The following PTER variants were observed in gnomAD, a reference collection of about 807,000 sequenced individuals.
PTER encodes N-acetyltaurine hydrolase.
A neutral mutation model predicts 29.6 loss-of-function variants in PTER; 38 were observed. That is an observed-to-expected ratio of 1.28 (90% CI 0.99 to 1.68). PTER has a LOEUF of 1.68. PTER is among the 40% of genes most tolerant of loss of function. The probability of loss-of-function intolerance (pLI) is 0.00; values close to 1 mark genes in which losing one functional copy is unlikely to be tolerated. For synonymous variants in PTER, 172 were observed against 154.5 expected (o/e 1.11, Z -0.84); for missense variants, 482 against 427.8 (o/e 1.13, Z -1.12).
chr10:16,507,318 G>A (rs1220306660), intron 4 of PTER, among the ~76,000 whole-genome samples: 1 of 151,804 alleles, frequency 6.6e-6, no homozygotes, highest in Non-Finnish European at 1.5e-5. Flanking sequence ...GTAGAAAAAT[G>A]TAACATGATC....
chr10:16,472,079 T>C (rs1448292142), intron 1 of PTER, among the ~76,000 whole-genome samples: 3 of 152,206 alleles, frequency 2.0e-5, no homozygotes, highest in Admixed American at 6.5e-5. Flanking sequence ...AGTGATGCTT[T>C]CTATTGGATT....
At chr10:16,466,451 A>G (rs890783514) in intron 1 of PTER, among the ~76,000 whole-genome samples, 1 of 152,122 alleles carries the variant, frequency 6.6e-6, no homozygotes, top group Non-Finnish European at 1.5e-5. Context: ...CGCCTCCCCA[A>G]TTCAAGTGAT....
chr10:16,478,854 A>C (rs1367871457), intron 1 of PTER, among the ~76,000 whole-genome samples: 1 of 152,136 alleles, frequency 6.6e-6, no homozygotes, highest in Non-Finnish European at 1.5e-5. Context: ...CTGGGTTTTC[A>C]AATGGCTTCA....
chr10:16,454,699 A>G (rs1004147141), intron 1 of PTER, among the ~76,000 whole-genome samples: 1 of 152,132 alleles, frequency 6.6e-6, no homozygotes, highest in Non-Finnish European at 1.5e-5. Context: ...CATATAATAT[A>G]ATTTCCATTT....
chr10:16,467,152 T>A (rs1263061362), intron 1 of PTER, among the ~76,000 whole-genome samples: 1 of 152,166 alleles, frequency 6.6e-6, no homozygotes, highest in African/African-American at 2.4e-5. Context: ...TCAACCACAG[T>A]CTGAAAATAT....
At chr10:16,517,459 C>T (rs536042781), downstream of PTER, among the ~76,000 whole-genome samples, 25 of 152,182 alleles carry the variant, frequency 1.6e-4, no homozygotes, top group East Asian at 5.8e-4. Flanking sequence ...AGTTTTCATT[C>T]GAGTGGCTTA....
At chr10:16,482,175 C>A (rs560637974) in intron 1 of PTER, among the ~76,000 whole-genome samples, 1 of 152,160 alleles carries the variant, frequency 6.6e-6, no homozygotes, top group East Asian at 1.9e-4. Flanking sequence ...AGTCTAAATC[C>A]ATCATTTATG....
rs181041362 is a variant in PTER at position 16,451,799 on chromosome 10, G to A, written c.-49+14752G>A. Among the ~76,000 whole-genome samples, 4 of 152,032 alleles carry A rather than the reference G, an allele frequency of 2.6e-5. No homozygotes were observed. In the East Asian group the frequency reaches 5.8e-4, roughly 22 times the overall value. The stretch of plus-strand genomic sequence containing the variant: ...GTCTATATATCTGATGTGTTGGGAG[G>A]GTTATTACCCCCCAGAAAAGGATTT... On this transcript the variant is annotated intron_variant, in intron 1 of 4. Transcript: ENST00000535784.
chr10:16,463,962 C>T (rs773694645), intron 1 of PTER, among the ~76,000 whole-genome samples: 4 of 152,124 alleles, frequency 2.6e-5, no homozygotes, highest in Non-Finnish European at 4.4e-5. Context: ...AAGTGGATTT[C>T]GTCTCAAAGT....
At position 16,505,134 on chromosome 10, in the gene PTER, G is replaced by A. The variant is rs145961153; in HGVS notation, c.813G>A (p.Met271Ile). 4.7e-4 allele frequency: 757 copies of A among 1,613,954 alleles called. 4 individuals are homozygous for A. In the African/African-American group the frequency reaches 9.5e-3, roughly 20 times the overall value. ...LHYQLGPDID[M>I]PDDNKRIRRV... ...ACCAACTCGGCCCAGATATTGACAT[G>A]CCTGATGATAACAAAAGAATTAGAA... Residue 271 changes from methionine (M) to isoleucine (I), a missense_variant, in exon 4 of 5, where the codon ATG becomes ATA. Met to Ile is a conservative substitution (Grantham distance 10). Transcript: ENST00000535784.
At chr10:16,505,298 C>T (rs897252102) in intron 4 of PTER, 138 bp downstream of exon 4, 3 of 1,117,178 alleles carry the variant, frequency 2.7e-6, no homozygotes, top group Non-Finnish European at 2.5e-6. Flanking sequence ...TATATCTATG[C>T]TGTTTCAGGG....
intron 1 of PTER, among the ~76,000 whole-genome samples, chr10:16,442,801 G>A (rs1020186719): frequency 2.6e-5 from 4 of 152,102 alleles, no homozygotes; most frequent in African/African-American, 9.7e-5. Flanking sequence ...CCAACATGGC[G>A]AAACCCCATC....
intron 1 of PTER, among the ~76,000 whole-genome samples, chr10:16,480,989 T>C (rs1344336163): frequency 6.6e-6 from 1 of 152,258 alleles, no homozygotes; most frequent in African/African-American, 2.4e-5. Flanking sequence ...TCTTCTCTTA[T>C]CCCTTTTATT....
chr10:16,487,741 A>G (rs1835757187), intron 3 of PTER, among the ~76,000 whole-genome samples: 1 of 152,248 alleles, frequency 6.6e-6, no homozygotes, highest in Non-Finnish European at 1.5e-5. Context: ...AGTTGAATTT[A>G]TTATAGAATT....
intron 1 of PTER, among the ~76,000 whole-genome samples, chr10:16,447,936 G>A (rs1174174398): frequency 6.6e-6 from 1 of 152,096 alleles, no homozygotes; most frequent in Non-Finnish European, 1.5e-5. Flanking sequence ...GGACCCGTTC[G>A]AGCCCAATCA....
chr10:16,438,591 G>T (rs922986575), intron 1 of PTER, among the ~76,000 whole-genome samples: 2 of 150,286 alleles, frequency 1.3e-5, no homozygotes, highest in Admixed American at 6.6e-5. Flanking sequence ...TTACAGGCGT[G>T]AGCCACTGCG....
At chr10:16,484,119 T>C (rs1225512375) in intron 1 of PTER, among the ~76,000 whole-genome samples, 1 of 152,116 alleles carries the variant, frequency 6.6e-6, no homozygotes, top group Non-Finnish European at 1.5e-5. Context: ...GGACTCCCAG[T>C]AGAAGGGGTG....
intron 1 of PTER, among the ~76,000 whole-genome samples, chr10:16,461,938 T>C (rs969754629): frequency 3.9e-5 from 6 of 152,112 alleles, no homozygotes; most frequent in Admixed American, 1.3e-4. Flanking sequence ...ACTTTTTTTT[T>C]CAAACTGGGG....
At chr10:16,508,204 G>A (rs1032307971) in intron 4 of PTER, among the ~76,000 whole-genome samples, 4 of 151,516 alleles carry the variant, frequency 2.6e-5, no homozygotes, top group Non-Finnish European at 4.4e-5. Context: ...GAGTAGCTGG[G>A]ACTACAGGCA....
Sources: allele counts gnomAD v4.1 joint callset (sites outside exome capture counted in the v4.1 genomes callset), GRCh38; gene constraint gnomAD v4.1.1; transcripts MANE v1.5; gene names NCBI Gene and HGNC (gene_info 2026-07-23, HGNC 2026-07-21).